Variants in MSI2 observed in about 807,000 individuals in gnomAD.
The protein encoded by MSI2 is musashi RNA binding protein 2, also known as RNA-binding protein Musashi homolog 2.
MSI2 carries 17 observed loss-of-function variants against 45.6 expected under a neutral mutation model. The observed-to-expected ratio is 0.37, with a 90% CI of 0.26 to 0.56. The LOEUF is 0.56. Among genes scored for constraint, MSI2 ranks in the 20% least tolerant of loss-of-function variants. MSI2 has a pLI of 0.77. For synonymous variants in MSI2, 156 were observed against 158.2 expected (o/e 0.99, Z 0.11); for missense variants, 293 against 444.2 (o/e 0.66, Z 3.06).
chr17:57,498,947 G>GTGA (rs1286711467), intron 6 of MSI2, among the ~76,000 whole-genome samples: 1 of 131,904 alleles, frequency 7.6e-6, no homozygotes, highest in Non-Finnish European at 1.5e-5. Context: ...GCCCCGGTGT[G>GTGA]TGATGTCCCC....
In MSI2 at chr17:57,401,437, A is replaced by G. The variant is rs2083988621; in HGVS notation, c.371A>G (p.Glu124Gly). The G allele has an allele frequency of 6.2e-7, 1 of 1,614,068 alleles. No homozygotes were observed. Residue 124 changes from glutamate to glycine, a missense_variant, in exon 6 of 14, where the codon GAA becomes GGA. By Grantham distance (98) the Glu-to-Gly change is moderately conservative (BLOSUM62 -2). Coordinates refer to ENST00000284073, the MANE Select transcript of MSI2 (RefSeq NM_138962.4). ...VGGLSANTVV[E>G]DVKQYFEQFG... is the part of the protein sequence containing the mutation. ...GGGTTATCTGCGAACACAGTAGTGGAAGATGTAAAGCAATATTTCGAGCAG... is the reference window on the plus strand; with the variant it reads ...GGGTTATCTGCGAACACAGTAGTGGGAGATGTAAAGCAATATTTCGAGCAG...
chr17:57,372,177 G>C (rs988522961), intron 5 of MSI2, among the ~76,000 whole-genome samples: 1 of 152,120 alleles, frequency 6.6e-6, no homozygotes, highest in Non-Finnish European at 1.5e-5. Context: ...AACTTGAATT[G>C]CTTATTTTAA....
intron 5 of MSI2, chr17:57,274,232 T>C (rs949619126): frequency 6.6e-6 from 1 of 152,262 alleles, no homozygotes; most frequent in Non-Finnish European, 1.5e-5. Context: ...TAAAATGTTA[T>C]TTTTACTGTC....
intron 6 of MSI2, among the ~76,000 whole-genome samples, chr17:57,409,452 G>T (rs1312171111): frequency 6.6e-6 from 1 of 152,196 alleles, no homozygotes; most frequent in African/African-American, 2.4e-5. Flanking sequence ...AAATAAATAG[G>T]AGATGGAATA....
In MSI2 at chr17:57,315,621, T is replaced by C. The variant is rs191131290; in HGVS notation, c.312+53429T>C. On this transcript the variant is annotated intron_variant, in intron 5 of 13. Coordinates refer to ENST00000284073, the MANE Select transcript of MSI2 (RefSeq NM_138962.4). ...ACCAGATAAGCTCTCCAAAGCCCACTGGTGGTAAAGGTGATCTAGAGCAAA... is the reference window on the plus strand; with the variant it reads ...ACCAGATAAGCTCTCCAAAGCCCACCGGTGGTAAAGGTGATCTAGAGCAAA... Among the ~76,000 whole-genome samples the C allele has an allele frequency of 4.5e-3, 686 of 152,218 alleles. 22 individuals carry two copies. Among genetic ancestry groups the C allele is most frequent in the Admixed American group, 0.041 (630 of 15,296 alleles).
At chr17:57,528,105 C>T (rs557118007) in intron 6 of MSI2, among the ~76,000 whole-genome samples, 2 of 150,874 alleles carry the variant, frequency 1.3e-5, no homozygotes, top group South Asian at 4.3e-4. Context: ...TTTACCCCCC[C>T]TACAGCCACA....
At chr17:57,688,083 C>A (rs773917738), downstream of MSI2, among the ~76,000 whole-genome samples, 1 of 151,994 alleles carries the variant, frequency 6.6e-6, no homozygotes, top group East Asian at 1.9e-4. Context: ...TTTGCCAAAC[C>A]AACATTAATT....
At chr17:57,342,194 G>A (rs1915226776) in intron 5 of MSI2, among the ~76,000 whole-genome samples, 1 of 152,020 alleles carries the variant, frequency 6.6e-6, no homozygotes, top group African/African-American at 2.4e-5. Flanking sequence ...GAGCTAATTG[G>A]TTTGAAAATT....
At chr17:57,516,115 T>C (rs1410791263) in intron 6 of MSI2, among the ~76,000 whole-genome samples, 2 of 152,196 alleles carry the variant, frequency 1.3e-5, no homozygotes, top group Non-Finnish European at 2.9e-5. Flanking sequence ...CCTGGAGATT[T>C]GAGTAACTAT....
chr17:57,584,843 T>C (rs1273565253), intron 7 of MSI2, among the ~76,000 whole-genome samples: 1 of 151,554 alleles, frequency 6.6e-6, no homozygotes, highest in African/African-American at 2.4e-5. Flanking sequence ...TTTTTTTGAG[T>C]TGGGGTCTCG....
intron 5 of MSI2, among the ~76,000 whole-genome samples, chr17:57,283,206 T>A (rs776760990): frequency 7.9e-5 from 12 of 152,220 alleles, no homozygotes; most frequent in Non-Finnish European, 1.2e-4. Flanking sequence ...CACCGGGACT[T>A]CTAGAAAATG....
chr17:57,297,983 C>G (rs1318214816), intron 5 of MSI2, among the ~76,000 whole-genome samples: 1 of 152,170 alleles, frequency 6.6e-6, no homozygotes, highest in Non-Finnish European at 1.5e-5. Flanking sequence ...ATCTTGAACC[C>G]CTCAAAATCA....
At chr17:57,695,160 C>T in the MSI2 span, among the ~76,000 whole-genome samples, 640 of 152,308 alleles carry the variant, frequency 4.2e-3, 2 homozygotes, top group Non-Finnish European at 6.3e-3. Flanking sequence ...AAAGTTCACA[C>T]AGCTAGTTAA....
intron 7 of MSI2, among the ~76,000 whole-genome samples, chr17:57,530,790 G>A (rs113344785): frequency 0.019 from 2,920 of 152,248 alleles, 26 homozygotes; most frequent in Middle Eastern, 0.027. Flanking sequence ...TGAGTGAAAG[G>A]CAAGAAGGAG....
At chr17:57,602,475 C>T (rs950067983) in intron 8 of MSI2, among the ~76,000 whole-genome samples, 21 of 152,300 alleles carry the variant, frequency 1.4e-4, no homozygotes, top group Admixed American at 1.0e-3. Flanking sequence ...GCCTCGGCCT[C>T]CCGAGTAGCT....
Position 57,290,316 on chromosome 17 carries a change from T to A in MSI2, c.312+28124T>A, listed in dbSNP as rs1476270601. Among the ~76,000 whole-genome samples the A allele has an allele frequency of 2.6e-5, 4 of 152,134 alleles. No individual in the cohort carries two copies. The East Asian group carries it at 5.8e-4, about 22-fold the overall frequency. ...CACTATTCTTTTTAATTTATTTTAG[T>A]TTTTCTTTTTAGAGACAGAGTCTCC... On this transcript the variant is annotated intron_variant, in intron 5 of 13. Transcript: ENST00000284073.
intron 5 of MSI2, among the ~76,000 whole-genome samples, chr17:57,311,542 G>A (rs1912400150): frequency 6.6e-6 from 1 of 152,126 alleles, no homozygotes; most frequent in Non-Finnish European, 1.5e-5. Context: ...CAGAATGAAA[G>A]CCATAGTATT....
At chr17:57,454,055 C>G (rs558965467) in intron 6 of MSI2, among the ~76,000 whole-genome samples, 1 of 152,364 alleles carries the variant, frequency 6.6e-6, no homozygotes, top group South Asian at 2.1e-4. Context: ...GCAGGAAGCC[C>G]TCATTCACAG....
intron 5 of MSI2, among the ~76,000 whole-genome samples, chr17:57,374,256 C>T (rs1055870671): frequency 2.0e-5 from 3 of 152,150 alleles, no homozygotes; most frequent in Admixed American, 1.3e-4. Context: ...ATTTTTGCAA[C>T]CCTAGGCATA....
Sources: allele counts gnomAD v4.1 joint callset (sites outside exome capture counted in the v4.1 genomes callset), GRCh38; gene constraint gnomAD v4.1.1; transcripts MANE v1.5; gene names NCBI Gene and HGNC (gene_info 2026-07-23, HGNC 2026-07-21).